Variants in ZMIZ1 observed in about 807,000 individuals in gnomAD.
ZMIZ1 encodes the protein zinc finger MIZ domain-containing protein 1.
Under a neutral mutation model 113.9 loss-of-function variants are expected in ZMIZ1, and 17 were observed. The observed-to-expected ratio is 0.15, with a 90% confidence interval of 0.10 to 0.22. The LOEUF is 0.22. ZMIZ1 is among the 10% of genes least tolerant of loss of function. The pLI is 1.00. For missense variants in ZMIZ1, 1,059 were observed against 1,477.8 expected (o/e 0.72, Z 4.65); for synonymous variants, 607 against 603.1 (o/e 1.01, Z -0.09).
intron 2 of ZMIZ1, among the ~76,000 whole-genome samples, chr10:79,128,693 A>G (rs1844623947): frequency 6.6e-6 from 1 of 152,160 alleles, no homozygotes; most frequent in Non-Finnish European, 1.5e-5. Flanking sequence ...GTCTCCCTGA[A>G]AACAGGGTAT....
intron 16 of ZMIZ1, 140 bp from the exon 17 acceptor site, chr10:79,300,591 GA>G: frequency 9.3e-7 from 1 of 1,077,356 alleles, no homozygotes; most frequent in South Asian, 1.5e-5. Context: ...CAGGCTGGGG[GA>G]ATCATTGGGG....
At chr10:79,305,678 G>C (rs1854636757) in intron 21 of ZMIZ1, 77 bp downstream of exon 21, 1 of 1,451,778 alleles carries the variant, frequency 6.9e-7, no homozygotes, top group Non-Finnish European at 9.6e-7. Flanking sequence ...CAGGTGGATA[G>C]CCCTGACACA....
intron 1 of ZMIZ1, among the ~76,000 whole-genome samples, chr10:79,099,950 A>G (rs972707960): frequency 6.5e-4 from 99 of 152,214 alleles, no homozygotes; most frequent in African/African-American, 2.3e-3. Context: ...GACCCGAACA[A>G]GTCTCCAGCC....
chr10:79,256,558 G>A (rs1850916330), intron 7 of ZMIZ1, among the ~76,000 whole-genome samples: 1 of 152,242 alleles, frequency 6.6e-6, no homozygotes, highest in African/African-American at 2.4e-5. Context: ...CGGTGCCCCT[G>A]CAGCACATGC....
At chr10:79,204,910 AGTG>A (rs1848248457) in intron 5 of ZMIZ1, among the ~76,000 whole-genome samples, 1 of 152,152 alleles carries the variant, frequency 6.6e-6, no homozygotes, top group Non-Finnish European at 1.5e-5. Context: ...TGGTGGATAA[AGTG>A]GTGAATGGAT....
At chr10:79,251,911 C>T (rs1850575517) in intron 7 of ZMIZ1, among the ~76,000 whole-genome samples, 1 of 152,210 alleles carries the variant, frequency 6.6e-6, no homozygotes, top group African/African-American at 2.4e-5. Flanking sequence ...CTTACTAGAA[C>T]CATGGCAGCC....
intron 14 of ZMIZ1, 127 bp from the exon 15 acceptor site, chr10:79,298,278 TG>T: frequency 9.5e-7 from 1 of 1,055,380 alleles, no homozygotes; most frequent in Non-Finnish European, 1.4e-6. Flanking sequence ...AGAGTTTCCC[TG>T]GAGGAGGCTC....
chr10:79,165,351 T>C, intron 4 of ZMIZ1, among the ~76,000 whole-genome samples: 1 of 152,062 alleles, frequency 6.6e-6, no homozygotes, highest in Non-Finnish European at 1.5e-5. Context: ...GGGACCAGGG[T>C]TCCTTGCCCA....
chr10:79,071,139 C>T lies in ZMIZ1; in HGVS notation c.-337+1869C>T, dbSNP rs1052934091. On this transcript the variant is annotated intron_variant, in intron 1 of 24. Transcript: ENST00000334512. ...AAAGATTTAAAAGGGCAGTGGGCGG[C>T]CGCCTGTGGAAGCCCCTGGCTCCGC... Among the ~76,000 whole-genome samples the T allele has an allele frequency of 1.1e-3, 172 of 152,232 alleles. 1 individual carries two copies. The highest frequency in any genetic ancestry group is 3.9e-3 in the African/African-American group (162 of 41,470).
chr10:79,168,319 T>G (rs1226353009), intron 4 of ZMIZ1, among the ~76,000 whole-genome samples: 2 of 152,094 alleles, frequency 1.3e-5, no homozygotes, highest in Non-Finnish European at 2.9e-5. Context: ...GGAGTTTGAG[T>G]GTACTGAGCC....
intron 18 of ZMIZ1, among the ~76,000 whole-genome samples, chr10:79,303,102 C>A (rs1291390895): frequency 6.6e-6 from 1 of 152,038 alleles, no homozygotes; most frequent in Non-Finnish European, 1.5e-5. Context: ...CCTCACGATC[C>A]GCCCACCTCG....
rs1214869155 is a variant in ZMIZ1, at chr10:79,293,363, G to A, written c.958-18G>A. 2 of 1,503,000 alleles carry A rather than the reference G, an allele frequency of 1.3e-6. No individual in the cohort carries two copies. Among genetic ancestry groups the A allele is most frequent in the African/African-American group, 2.8e-5 (2 of 71,336 alleles). The allele number at this position is 1,503,000 out of a possible 1,614,324, so 93.1% of individuals were successfully genotyped here. A position where few individuals can be genotyped will look rare whatever the true frequency, so the allele number is the denominator to read the frequency against. ...TTTTTTTTTTCTTCTCCCGTTGAAG[G>A]TCTGTTCCTCTTTCCAGATGGGTCC... is the stretch of plus-strand genomic sequence containing the variant. On this transcript the variant is annotated intron_variant, in intron 11 of 24. Transcript: ENST00000334512.
rs1416960470 is a variant in ZMIZ1 at position 79,315,899 on chromosome 10, G to A, written c.*3150G>A. On this transcript the variant is annotated 3_prime_UTR_variant, in exon 25 of 25. Coordinates refer to ENST00000334512, the MANE Select transcript of ZMIZ1 (RefSeq NM_020338.4). ...GGAACTCCATCACGTGGAAAAACTA[G>A]ATCCTGTTGGTTATAGCATTTGTGA... 5.9e-5 allele frequency: 9 copies of A among 152,432 alleles called. No individual in the cohort carries two copies. The highest frequency in any genetic ancestry group is 7.4e-5 in the Non-Finnish European group (5 of 67,992). The allele number at this position is 152,432 out of a possible 1,614,324, so 9.4% of individuals were successfully genotyped here. A position where few individuals can be genotyped will look rare whatever the true frequency, so the allele number is the denominator to read the frequency against.
At chr10:79,238,833 T>C (rs757356577) in intron 7 of ZMIZ1, among the ~76,000 whole-genome samples, 127 of 152,178 alleles carry the variant, frequency 8.3e-4, no homozygotes, top group Admixed American at 2.0e-3. Flanking sequence ...GTGGTGAGGA[T>C]TGTTAATACT....
At chr10:79,177,334 G>A (rs903976019) in intron 4 of ZMIZ1, among the ~76,000 whole-genome samples, 10 of 152,160 alleles carry the variant, frequency 6.6e-5, no homozygotes, top group Admixed American at 6.5e-5. Context: ...AGCTGTTCAG[G>A]CCAGGCTCCT....
intron 8 of ZMIZ1, among the ~76,000 whole-genome samples, chr10:79,281,830 C>T (rs1852758446): frequency 6.6e-6 from 1 of 152,218 alleles, no homozygotes; most frequent in South Asian, 2.1e-4. Flanking sequence ...TGCCCCAGAA[C>T]ACACAGCCAG....
intron 1 of ZMIZ1, among the ~76,000 whole-genome samples, chr10:79,100,437 G>GA (rs748608550): frequency 0.011 from 1,197 of 110,684 alleles, 8 homozygotes; most frequent in African/African-American, 0.023. Context: ...CACCATCTCT[G>GA]AAAAAAAAAA....
chr10:79,298,860 G>A (rs1228261506), intron 15 of ZMIZ1, among the ~76,000 whole-genome samples, 190 bp from the exon 16 acceptor site: 1 of 152,212 alleles, frequency 6.6e-6, no homozygotes, highest in Non-Finnish European at 1.5e-5. Context: ...AGTCGCTGGG[G>A]CGGGGCCGTG....
intron 6 of ZMIZ1, among the ~76,000 whole-genome samples, chr10:79,213,191 G>A (rs886747924): frequency 6.6e-6 from 1 of 152,220 alleles, no homozygotes; most frequent in African/African-American, 2.4e-5. Flanking sequence ...ATGACCACTG[G>A]GGTGAGAATG....
Sources: gnomAD v4.1 joint callset for allele counts (sites outside exome capture counted in the v4.1 genomes callset) on GRCh38, gnomAD v4.1.1 for gene constraint, MANE v1.5 for transcripts, NCBI Gene and HGNC (gene_info 2026-07-23, HGNC 2026-07-21) for gene names.